SCFD2: variants seen among roughly 807,000 people sequenced by gnomAD.
SCFD2 encodes the protein sec1 family domain-containing protein 2.
A neutral mutation model predicts 58.9 loss-of-function variants in SCFD2; 54 were observed. The observed-to-expected ratio is 0.92, with a 90% CI of 0.74 to 1.15. The LOEUF is 1.15. Ranked by LOEUF, SCFD2 falls within the 50% of genes most tolerant of loss-of-function variation. SCFD2 has a pLI of 0.00. For missense variants in SCFD2, 805 were observed against 836.6 expected, an observed-to-expected ratio of 0.96 and a Z score of 0.47; for synonymous variants, 321 against 335.9, an observed-to-expected ratio of 0.96 and a Z score of 0.49.
intron 2 of SCFD2, among the ~76,000 whole-genome samples, chr4:53,330,006 T>C (rs1415016541): frequency 6.6e-6 from 1 of 151,012 alleles, no homozygotes; most frequent in South Asian, 2.1e-4. Flanking sequence ...CGATGGAAGA[T>C]GAAATGAATG....
intron 2 of SCFD2, among the ~76,000 whole-genome samples, chr4:53,324,486 A>C (rs1331536978): frequency 6.6e-6 from 1 of 151,996 alleles, no homozygotes; most frequent in Non-Finnish European, 1.5e-5. Context: ...AAAAGGAAGA[A>C]GTTCTTATAC....
At chr4:53,330,293 T>C (rs966971188) in intron 2 of SCFD2, among the ~76,000 whole-genome samples, 1 of 151,614 alleles carries the variant, frequency 6.6e-6, no homozygotes, top group African/African-American at 2.4e-5. Context: ...CACATAATTG[T>C]CAGATTCACC....
chr4:52,946,571 T>C (rs992244522), intron 5 of SCFD2, among the ~76,000 whole-genome samples: 3 of 152,182 alleles, frequency 2.0e-5, no homozygotes, highest in Non-Finnish European at 4.4e-5. Context: ...CTTATCATCA[T>C]AACAACTAAG....
intron 2 of SCFD2, among the ~76,000 whole-genome samples, chr4:53,340,874 C>A (rs1362238870): frequency 2.0e-5 from 3 of 152,198 alleles, no homozygotes; most frequent in Non-Finnish European, 2.9e-5. Context: ...CTCCAGCAAA[C>A]TCCAACAGAC....
intron 4 of SCFD2, among the ~76,000 whole-genome samples, chr4:53,247,723 C>T (rs200004248): frequency 1.5e-4 from 23 of 149,572 alleles, no homozygotes; most frequent in African/African-American, 3.0e-4. Flanking sequence ...TAGCCGGGCG[C>T]GGTGGCGGGC....
chr4:53,021,835 T>A (rs1722356614), intron 5 of SCFD2, among the ~76,000 whole-genome samples: 2 of 152,150 alleles, frequency 1.3e-5, no homozygotes, highest in South Asian at 4.1e-4. Flanking sequence ...GAATATGTAG[T>A]TGTTCTTCTG....
rs562058715 is a variant in SCFD2, at chr4:53,055,707, A to G, written c.1561+89626T>C. 2.6e-5 allele frequency among the ~76,000 whole-genome samples: 4 copies of G among 152,240 alleles called. No individual in the cohort carries two copies. The East Asian group carries it at 5.8e-4, about 22-fold the overall frequency. On this transcript the variant is annotated intron_variant, in intron 5 of 8. Transcript: ENST00000401642. ...CTCACCAGAGTCTTATGATGGGTAC[A>G]TGGCTCCCTCTGCAACCCACAACAA...
At chr4:53,311,426 G>A (rs753340118) in intron 3 of SCFD2, among the ~76,000 whole-genome samples, 1 of 151,946 alleles carries the variant, frequency 6.6e-6, no homozygotes, top group Non-Finnish European at 1.5e-5. Flanking sequence ...TTGCTTATGG[G>A]ATTACCTGTC....
At chr4:53,181,541 C>T (rs1323588243) in intron 4 of SCFD2, among the ~76,000 whole-genome samples, 3 of 152,116 alleles carry the variant, frequency 2.0e-5, no homozygotes, top group African/African-American at 7.2e-5. Flanking sequence ...AAACCCACAG[C>T]CAATATCATA....
chr4:53,239,830 C>T (rs1729839992), intron 4 of SCFD2, among the ~76,000 whole-genome samples: 1 of 152,082 alleles, frequency 6.6e-6, no homozygotes, highest in African/African-American at 2.4e-5. Flanking sequence ...TAGACCCAAG[C>T]TAAATTAAGA....
intron 4 of SCFD2, among the ~76,000 whole-genome samples, chr4:53,252,663 G>A (rs1210552314): frequency 3.3e-5 from 5 of 151,974 alleles, no homozygotes; most frequent in Non-Finnish European, 7.4e-5. Context: ...AAATGGTGTT[G>A]GGAAAACTGG....
chr4:53,113,111 TCCC>T (rs1451954320), intron 5 of SCFD2, among the ~76,000 whole-genome samples: 1 of 152,028 alleles, frequency 6.6e-6, no homozygotes, highest in East Asian at 1.9e-4. Flanking sequence ...CCCAACCCAA[TCCC>T]TTTGCCTTTT....
intron 5 of SCFD2, among the ~76,000 whole-genome samples, chr4:53,085,747 T>G (rs1298121399): frequency 6.6e-6 from 1 of 152,164 alleles, no homozygotes; most frequent in Non-Finnish European, 1.5e-5. Context: ...TACAGTGAAC[T>G]CATTTTTGAC....
At chr4:52,974,706 T>TA (rs1721204743) in intron 5 of SCFD2, among the ~76,000 whole-genome samples, 1 of 150,660 alleles carries the variant, frequency 6.6e-6, no homozygotes, top group East Asian at 1.9e-4. Context: ...GAGCCTGCAT[T>TA]GCCAAGTCAA....
At chr4:53,332,330 T>G (rs968072558) in intron 2 of SCFD2, among the ~76,000 whole-genome samples, 3 of 151,736 alleles carry the variant, frequency 2.0e-5, no homozygotes, top group African/African-American at 4.8e-5. Context: ...TTGATGAACA[T>G]TGATGCAAAA....
intron 4 of SCFD2, among the ~76,000 whole-genome samples, chr4:53,210,776 T>C (rs932008668): frequency 6.6e-6 from 1 of 152,006 alleles, no homozygotes; most frequent in Non-Finnish European, 1.5e-5. Flanking sequence ...TTTATTATAA[T>C]GTGGAATGTG....
At chr4:53,276,944 G>A (rs2149072252) in intron 3 of SCFD2, among the ~76,000 whole-genome samples, 1 of 152,214 alleles carries the variant, frequency 6.6e-6, no homozygotes, top group Admixed American at 6.5e-5. Context: ...CTTTTCATGT[G>A]TGTCTTTTGC....
chr4:53,217,093 G>T (rs1418297034), intron 4 of SCFD2, among the ~76,000 whole-genome samples: 1 of 152,162 alleles, frequency 6.6e-6, no homozygotes, highest in African/African-American at 2.4e-5. Context: ...GAATAAGTGC[G>T]ATGTGGTGCT....
chr4:52,919,846 G>C (rs1432235740), intron 6 of SCFD2, among the ~76,000 whole-genome samples: 3 of 152,204 alleles, frequency 2.0e-5, no homozygotes, highest in Non-Finnish European at 2.9e-5. Flanking sequence ...CTCCCTTAAA[G>C]AGTCAGCACC....
Sources: gnomAD v4.1 joint callset for allele counts (sites outside exome capture counted in the v4.1 genomes callset) on GRCh38, gnomAD v4.1.1 for gene constraint, MANE v1.5 for transcripts, NCBI Gene and HGNC (gene_info 2026-07-23, HGNC 2026-07-21) for gene names.